Variants in TXNRD1 observed in about 807,000 individuals in gnomAD.
The protein encoded by TXNRD1 is thioredoxin reductase 1, cytoplasmic.
A neutral mutation model predicts 80.3 loss-of-function variants in TXNRD1; 57 were observed. The ratio of observed to expected loss-of-function variants is 0.71; its 90% CI spans 0.57 to 0.89. The LOEUF is 0.89. Ranked by LOEUF, TXNRD1 falls within the 40% of genes least tolerant of loss-of-function variation. TXNRD1 has a pLI of 0.00. For missense variants in TXNRD1, 730 were observed against 803.0 expected (o/e 0.91, Z 1.10); for synonymous variants, 291 against 285.2 (o/e 1.02, Z -0.20).
chr12:104,314,784 C>T (rs1318162387), intron 6 of TXNRD1, among the ~76,000 whole-genome samples: 10 of 146,086 alleles, frequency 6.8e-5, no homozygotes, highest in South Asian at 2.2e-4. Context: ...CTCTGTCGCC[C>T]GGGCTGGAGT....
At chr12:104,333,438 G>A (rs1339238182) in intron 14 of TXNRD1, among the ~76,000 whole-genome samples, 1 of 151,752 alleles carries the variant, frequency 6.6e-6, no homozygotes, top group African/African-American at 2.4e-5. Flanking sequence ...AACAGCAATT[G>A]TTAGCAATTT....
intron 4 of TXNRD1, among the ~76,000 whole-genome samples, chr12:104,293,625 A>G (rs2034307858): frequency 6.7e-6 from 1 of 150,162 alleles, no homozygotes; most frequent in African/African-American, 2.5e-5. Flanking sequence ...TTATTTTTGT[A>G]TTTTTTGTAT....
intron 2 of TXNRD1, among the ~76,000 whole-genome samples, chr12:104,252,671 T>C (rs1216688367): frequency 3.7e-5 from 4 of 106,810 alleles, no homozygotes; most frequent in African/African-American, 1.6e-4. Context: ...TTTATATATA[T>C]ATATATATAT....
intron 3 of TXNRD1, among the ~76,000 whole-genome samples, chr12:104,268,595 T>G (rs1243816015): frequency 6.6e-6 from 1 of 152,026 alleles, no homozygotes; most frequent in Non-Finnish European, 1.5e-5. Context: ...CTCGGCTCAC[T>G]GCAAACTCTG....
At position 104,304,911 on chromosome 12, in the gene TXNRD1, C is replaced by T. The variant is rs1202823346; in HGVS notation, c.415-6379C>T. ...GTGGCAGCTTTTGAAATTTCTGAGGCTATGATTACATACTCCTCATACTAA... is the reference window on the plus strand; with the variant it reads ...GTGGCAGCTTTTGAAATTTCTGAGGTTATGATTACATACTCCTCATACTAA... On this transcript the variant is annotated intron_variant, in intron 4 of 16. Coordinates refer to ENST00000525566, the MANE Select transcript of TXNRD1 (RefSeq NM_001093771.3). 31 of 1,609,126 alleles carry T rather than the reference C, an allele frequency of 1.9e-5. No individual in the cohort carries two copies. The highest frequency in any genetic ancestry group is 2.5e-5 in the Non-Finnish European group (29 of 1,178,192).
chr12:104,257,218 C>T (rs1005740879), intron 2 of TXNRD1, among the ~76,000 whole-genome samples: 1 of 151,388 alleles, frequency 6.6e-6, no homozygotes, highest in African/African-American at 2.4e-5. Flanking sequence ...ATTTGTATAA[C>T]CATGAGCATA....
chr12:104,322,959 G>A (rs11490358), intron 10 of TXNRD1, among the ~76,000 whole-genome samples: 3 of 135,560 alleles, frequency 2.2e-5, no homozygotes, highest in African/African-American at 8.5e-5. Flanking sequence ...GGCCTTCCGC[G>A]GTGTTTGTGT....
Position 104,327,687 on chromosome 12 carries a change from G to T in TXNRD1, c.1542+16G>T, listed in dbSNP as rs2035810726. On this transcript the variant is annotated intron_variant, in intron 13 of 16. Transcript: ENST00000525566. ...CACTGTCAAGGTGAGTGTTGTGCTT[G>T]TTGCCCATTAGATACTGTTGTCAGT... 2 of 1,612,512 alleles carry T rather than the reference G, an allele frequency of 1.2e-6. No individual in the cohort carries two copies. The highest frequency in any genetic ancestry group is 2.7e-5 in the African/African-American group (2 of 74,710).
At chr12:104,253,050 T>C (rs2135706037) in intron 2 of TXNRD1, among the ~76,000 whole-genome samples, 1 of 152,236 alleles carries the variant, frequency 6.6e-6, no homozygotes, top group Non-Finnish European at 1.5e-5. Context: ...GCCCCATGAC[T>C]TACTTTCCAG....
At chr12:104,310,193 AGG>A (rs1328116657) in intron 4 of TXNRD1, 1 of 30,072 alleles carries the variant, frequency 3.3e-5, no homozygotes, top group Non-Finnish European at 5.2e-5. Flanking sequence ...TGAGACTCCC[AGG>A]CTGGAGTGCA....
chr12:104,221,792 T>C (rs994076617), intron 1 of TXNRD1, among the ~76,000 whole-genome samples: 1 of 152,062 alleles, frequency 6.6e-6, no homozygotes, highest in Non-Finnish European at 1.5e-5. Flanking sequence ...GCTGGGCAGG[T>C]GGTGGGAAGT....
chr12:104,265,728 G>A lies in TXNRD1; in HGVS notation c.304+7649G>A, dbSNP rs893567650. Reference sequence around the variant, plus strand: ...TCGCGGCCAGCAAGTGCCGCCGGCCGGCTGTCAAGCAGTTCCACGACTCCA... The same window carrying A: ...TCGCGGCCAGCAAGTGCCGCCGGCCAGCTGTCAAGCAGTTCCACGACTCCA... On this transcript the variant is annotated intron_variant, in intron 3 of 16. Transcript: ENST00000525566. The A allele has an allele frequency of 6.3e-6, 10 of 1,598,678 alleles. No individual in the cohort carries two copies. In the African/African-American group the frequency reaches 8.0e-5, roughly 13 times the overall value.
At chr12:104,343,987 C>T (rs2036411685) in intron 16 of TXNRD1, among the ~76,000 whole-genome samples, 1 of 151,964 alleles carries the variant, frequency 6.6e-6, no homozygotes, top group African/African-American at 2.4e-5. Flanking sequence ...CCTGTAGTCC[C>T]AGCTACTCAG....
intron 3 of TXNRD1, among the ~76,000 whole-genome samples, chr12:104,274,521 C>A (rs991474632): frequency 9.9e-5 from 15 of 151,814 alleles, no homozygotes; most frequent in Admixed American, 8.5e-4. Flanking sequence ...CACGGTGAAA[C>A]CCTGTCTCTA....
chr12:104,317,246 T>G (rs1228864380), intron 7 of TXNRD1, among the ~76,000 whole-genome samples: 1 of 152,120 alleles, frequency 6.6e-6, no homozygotes, highest in African/African-American at 2.4e-5. Flanking sequence ...GTCCTGAGCC[T>G]TTTGTAGTGG....
intron 16 of TXNRD1, among the ~76,000 whole-genome samples, chr12:104,340,021 T>C (rs977743433): frequency 2.6e-5 from 4 of 152,252 alleles, no homozygotes; most frequent in African/African-American, 9.6e-5. Context: ...TGTCTGTTCA[T>C]GGTTGCTTTT....
intron 16 of TXNRD1, 131 bp downstream of exon 16, chr12:104,339,404 T>G: frequency 7.6e-7 from 1 of 1,316,548 alleles, no homozygotes; most frequent in Non-Finnish European, 1.1e-6. Context: ...GCTTTGTCTC[T>G]AAAAATTAGT....
intron 4 of TXNRD1, among the ~76,000 whole-genome samples, chr12:104,310,581 A>G (rs2035099012): frequency 6.6e-6 from 1 of 152,260 alleles, no homozygotes; most frequent in Admixed American, 6.5e-5. Flanking sequence ...TGAAACGAAT[A>G]TGAAATATAA....
At chr12:104,293,794 G>A (rs906429885) in intron 4 of TXNRD1, among the ~76,000 whole-genome samples, 14 of 152,152 alleles carry the variant, frequency 9.2e-5, no homozygotes, top group Admixed American at 3.9e-4. Context: ...CCACCAATGC[G>A]CGGAGACCGG....
Sources: gnomAD v4.1 joint callset for allele counts (sites outside exome capture counted in the v4.1 genomes callset) on GRCh38, gnomAD v4.1.1 for gene constraint, MANE v1.5 for transcripts, NCBI Gene and HGNC (gene_info 2026-07-23, HGNC 2026-07-21) for gene names.